Variants in PTPRQ observed in about 807,000 individuals in gnomAD.
PTPRQ encodes the protein protein tyrosine phosphatase receptor type Q.
In PTPRQ, 199 loss-of-function variants were observed where a neutral mutation model predicts 246.0. That is an observed-to-expected ratio of 0.81 (90% CI 0.72 to 0.91). PTPRQ has a LOEUF of 0.91. Ranked by LOEUF, PTPRQ falls within the 40% of genes least tolerant of loss-of-function variation. The pLI is 0.00. For synonymous variants in PTPRQ, 869 were observed against 853.2 expected (o/e 1.02, Z -0.32); for missense variants, 2,624 against 2,528.4 (o/e 1.04, Z -0.81).
intron 39 of PTPRQ, among the ~76,000 whole-genome samples, chr12:80,665,042 A>C (rs913894338): frequency 3.3e-5 from 5 of 151,984 alleles, no homozygotes; most frequent in African/African-American, 1.2e-4. Flanking sequence ...GTGAAGCCCC[A>C]AAATAGGCCA....
At chr12:80,522,587 TG>T (rs2120761301) in intron 17 of PTPRQ, among the ~76,000 whole-genome samples, 1 of 152,340 alleles carries the variant, frequency 6.6e-6, no homozygotes, top group South Asian at 2.1e-4. Context: ...TGTTGAATTT[TG>T]TCAAAGGCCT....
chr12:80,472,265 G>C lies in PTPRQ; in HGVS notation c.1186+14G>C. Reference sequence around the variant, plus strand: ...CTCCACCAGATGGTAAGAACATAGGGAATGAGTGAGATATTTTTGGTATGC... The same window carrying C: ...CTCCACCAGATGGTAAGAACATAGGCAATGAGTGAGATATTTTTGGTATGC... On this transcript the variant is annotated intron_variant, in intron 8 of 44. Transcript: ENST00000644991. 2 of 1,549,802 alleles carry C rather than the reference G, an allele frequency of 1.3e-6. No individual in the cohort carries two copies. The highest frequency in any genetic ancestry group is 2.4e-5 in the South Asian group (2 of 83,354).
intron 30 of PTPRQ, among the ~76,000 whole-genome samples, chr12:80,618,978 G>A (rs1232860750): frequency 6.6e-6 from 1 of 151,486 alleles, no homozygotes; most frequent in Non-Finnish European, 1.5e-5. Context: ...ATTAACTGTG[G>A]GAGGGGTGCT....
At chr12:80,568,631 C>T (rs1897049145) in intron 25 of PTPRQ, among the ~76,000 whole-genome samples, 1 of 152,190 alleles carries the variant, frequency 6.6e-6, no homozygotes, top group African/African-American at 2.4e-5. Flanking sequence ...ATGTTATATT[C>T]AAATTTCATT....
At chr12:80,529,737 CT>C (rs1337658660) in intron 17 of PTPRQ, among the ~76,000 whole-genome samples, 3 of 151,870 alleles carry the variant, frequency 2.0e-5, no homozygotes, top group African/African-American at 2.4e-5. Context: ...CAATTGAAGA[CT>C]TTTTTTGGCG....
chr12:80,450,002 C>T (rs1218553153), intron 3 of PTPRQ, among the ~76,000 whole-genome samples: 2 of 152,166 alleles, frequency 1.3e-5, no homozygotes, highest in Non-Finnish European at 1.5e-5. Flanking sequence ...TTCTTCCTAC[C>T]CATGAGCATG....
rs778471583 is a variant in PTPRQ at position 80,444,402 on chromosome 12, A to G, written c.54+3A>G. ...TTATTGGGACTTCAGAGACACAGGT[A>G]TTTCGTATACACTCTTTAAAAACAA... On this transcript the variant is annotated splice_donor_region_variant and intron_variant, in intron 1 of 44. Coordinates refer to ENST00000644991, the MANE Select transcript of PTPRQ (RefSeq NM_001145026.2). 13 of 1,434,942 alleles carry G rather than the reference A, an allele frequency of 9.1e-6. No individual in the cohort carries two copies. Among genetic ancestry groups the G allele is most frequent in the Non-Finnish European group, 1.2e-5 (13 of 1,044,182 alleles). 88.9% of individuals were successfully genotyped at this position (1,434,942 alleles called of 1,614,324 possible).
rs561689984 is a variant in PTPRQ, at chr12:80,487,998, T to G, written c.1359+3393T>G. 9.2e-5 allele frequency among the ~76,000 whole-genome samples: 14 copies of G among 152,122 alleles called. No individual in the cohort carries two copies. The South Asian group carries it at 2.9e-3, about 32-fold the overall frequency. ...GGGAAGAATCTACTTGCAGCCTCATTCAGGTTTTGGCAGATTTTATTTCCT... is the reference window on the plus strand; with the variant it reads ...GGGAAGAATCTACTTGCAGCCTCATGCAGGTTTTGGCAGATTTTATTTCCT... On this transcript the variant is annotated intron_variant, in intron 9 of 44. Transcript: ENST00000644991.
At chr12:80,632,116 A>G in intron 33 of PTPRQ, 76 bp from the exon 34 acceptor site, 1 of 1,489,224 alleles carries the variant, frequency 6.7e-7, no homozygotes, top group Non-Finnish European at 9.0e-7. Context: ...TGCCAAGATA[A>G]TATTTTTTGG....
At chr12:80,648,512 C>T (rs901472952) in intron 35 of PTPRQ, among the ~76,000 whole-genome samples, 3 of 152,046 alleles carry the variant, frequency 2.0e-5, no homozygotes, top group African/African-American at 7.2e-5. Flanking sequence ...TCTGGTTCAA[C>T]ACTTTCTATA....
intron 14 of PTPRQ, among the ~76,000 whole-genome samples, chr12:80,497,419 G>A (rs138764656): frequency 6.6e-6 from 1 of 152,164 alleles, no homozygotes; most frequent in Admixed American, 6.6e-5. Context: ...GCAGAGCTCA[G>A]GCAGTAATTC....
At chr12:80,479,692 C>A (rs1893962149) in intron 8 of PTPRQ, among the ~76,000 whole-genome samples, 1 of 142,372 alleles carries the variant, frequency 7.0e-6, no homozygotes, top group African/African-American at 2.8e-5. Flanking sequence ...ATCTACCAAG[C>A]AAATGGAGAA....
At chr12:80,530,970 A>G (rs1895827318) in intron 17 of PTPRQ, among the ~76,000 whole-genome samples, 1 of 152,064 alleles carries the variant, frequency 6.6e-6, no homozygotes, top group Admixed American at 6.6e-5. Flanking sequence ...GTGGTAGGTT[A>G]CCTTGAGCCC....
At chr12:80,598,149 G>A (rs1297231730) in intron 26 of PTPRQ, among the ~76,000 whole-genome samples, 1 of 151,900 alleles carries the variant, frequency 6.6e-6, no homozygotes, top group Admixed American at 6.6e-5. Flanking sequence ...TAGTATTCAT[G>A]AATCTAATCT....
intron 39 of PTPRQ, among the ~76,000 whole-genome samples, chr12:80,662,404 G>C (rs1395272702): frequency 6.6e-6 from 1 of 151,880 alleles, no homozygotes; most frequent in Non-Finnish European, 1.5e-5. Context: ...ATAAAAAGGA[G>C]GATTATATTT....
rs1351186190 is a variant in PTPRQ at position 80,635,044 on chromosome 12, C to G, written c.5886C>G (p.Asp1962Glu). The G allele has an allele frequency of 6.4e-7, 1 of 1,551,132 alleles. No individual in the cohort carries two copies. Among genetic ancestry groups the G allele is most frequent in the Non-Finnish European group, 8.7e-7 (1 of 1,146,750 alleles). The change falls in exon 35 of 45, where the codon GAC becomes GAG. Residue 1962 changes from aspartate to glutamate, a missense_variant. Transcript: ENST00000644991. ...TGGATCAGCTCATCACAGTGGCAGA[C>G]CTGGAACTGAAGGACGAGAGATTAA... ...LKLDQLITVA[D>E]LELKDERLTR... is the part of the protein sequence containing the mutation.
At chr12:80,554,161 G>A (rs1896574449) in intron 25 of PTPRQ, among the ~76,000 whole-genome samples, 1 of 152,126 alleles carries the variant, frequency 6.6e-6, no homozygotes, top group Non-Finnish European at 1.5e-5. Context: ...TAGCACAACA[G>A]GGTGACTAGT....
chr12:80,480,140 A>C (rs1269145989), intron 8 of PTPRQ, among the ~76,000 whole-genome samples: 5 of 152,200 alleles, frequency 3.3e-5, no homozygotes, highest in Admixed American at 6.5e-5. Context: ...TCTCCTCAGC[A>C]AATGTAAAAG....
At chr12:80,538,064 G>C (rs576988693) in intron 19 of PTPRQ, among the ~76,000 whole-genome samples, 2 of 152,058 alleles carry the variant, frequency 1.3e-5, no homozygotes, top group Non-Finnish European at 2.9e-5. Context: ...AGCCGAGATC[G>C]TGCCACTGCC....
Sources: allele counts gnomAD v4.1 joint callset (sites outside exome capture counted in the v4.1 genomes callset), GRCh38; gene constraint gnomAD v4.1.1; transcripts MANE v1.5; gene names NCBI Gene and HGNC (gene_info 2026-07-23, HGNC 2026-07-21).